The following LDLRAD3 variants were observed in gnomAD, a reference collection of about 807,000 sequenced individuals.
LDLRAD3 encodes the protein low-density lipoprotein receptor class A domain-containing protein 3.
A neutral mutation model predicts 29.4 loss-of-function variants in LDLRAD3; 20 were observed. The ratio of observed to expected loss-of-function variants is 0.68; its 90% CI spans 0.48 to 0.99. LDLRAD3 has a LOEUF of 0.99. Ranked by LOEUF, LDLRAD3 falls within the 50% of genes least tolerant of loss-of-function variation. The probability of loss-of-function intolerance (pLI) is 0.00; values close to 1 mark genes in which losing one functional copy is unlikely to be tolerated. For synonymous variants in LDLRAD3, 157 were observed against 192.7 expected, an observed-to-expected ratio of 0.81 and a Z score of 1.53; for missense variants, 420 against 454.3, an observed-to-expected ratio of 0.92 and a Z score of 0.69.
chr11:36,157,085 AT>A (rs1854364219), intron 4 of LDLRAD3, among the ~76,000 whole-genome samples: 1 of 152,168 alleles, frequency 6.6e-6, no homozygotes, highest in Non-Finnish European at 1.5e-5. Flanking sequence ...ATTTTAGGCA[AT>A]TTAAACAATT....
chr11:36,184,518 T>A (rs1319482492), intron 4 of LDLRAD3, among the ~76,000 whole-genome samples: 1 of 152,166 alleles, frequency 6.6e-6, no homozygotes, highest in African/African-American at 2.4e-5. Flanking sequence ...CTTTGAAAAA[T>A]TATTTTTGGA....
intron 4 of LDLRAD3, among the ~76,000 whole-genome samples, chr11:36,161,259 A>T (rs1854435131): frequency 6.6e-6 from 1 of 152,138 alleles, no homozygotes; most frequent in Admixed American, 6.5e-5. Flanking sequence ...TACATTTCTT[A>T]TATTACCCCT....
chr11:36,078,373 A>T (rs1178743911), intron 2 of LDLRAD3, among the ~76,000 whole-genome samples: 3 of 152,180 alleles, frequency 2.0e-5, no homozygotes, highest in African/African-American at 7.2e-5. Context: ...AGCTGTCTTC[A>T]GCACCCCCTT....
chr11:35,987,228 A>G (rs1435968246), intron 1 of LDLRAD3, among the ~76,000 whole-genome samples: 2 of 152,160 alleles, frequency 1.3e-5, no homozygotes, highest in Non-Finnish European at 1.5e-5. Context: ...AAGTCTGCAT[A>G]TTTTTAGGGA....
chr11:36,171,878 T>C (rs965242362), intron 4 of LDLRAD3, among the ~76,000 whole-genome samples: 16 of 152,198 alleles, frequency 1.1e-4, no homozygotes, highest in Non-Finnish European at 1.8e-4. Flanking sequence ...AATATATTGA[T>C]GGGAATTAGA....
chr11:36,018,470 C>A (rs922337604), intron 1 of LDLRAD3, among the ~76,000 whole-genome samples: 1 of 152,004 alleles, frequency 6.6e-6, no homozygotes, highest in Non-Finnish European at 1.5e-5. Context: ...TTTGAAGATC[C>A]CTTTCATTTA....
intron 4 of LDLRAD3, among the ~76,000 whole-genome samples, chr11:36,172,983 A>T (rs556815308): frequency 3.3e-5 from 5 of 152,156 alleles, no homozygotes; most frequent in African/African-American, 1.2e-4. Context: ...GCAATTTTTT[A>T]ATTATCATTT....
intron 1 of LDLRAD3, among the ~76,000 whole-genome samples, chr11:35,954,979 G>A (rs113551768): frequency 5.3e-5 from 8 of 152,290 alleles, no homozygotes; most frequent in East Asian, 1.9e-4. Context: ...ACAGTATTAG[G>A]CCGGGTGCAC....
chr11:36,166,608 C>T (rs1854519565), intron 4 of LDLRAD3, among the ~76,000 whole-genome samples: 1 of 152,122 alleles, frequency 6.6e-6, no homozygotes, highest in African/African-American at 2.4e-5. Flanking sequence ...CCTGTTATTT[C>T]TACTTTGTTT....
intron 2 of LDLRAD3, among the ~76,000 whole-genome samples, chr11:36,059,404 C>T (rs953918971): frequency 6.6e-6 from 1 of 151,642 alleles, no homozygotes; most frequent in Non-Finnish European, 1.5e-5. Flanking sequence ...AATGACTTCT[C>T]ATCACAGCTA....
At chr11:36,164,894 A>G (rs897796325) in intron 4 of LDLRAD3, among the ~76,000 whole-genome samples, 2 of 152,206 alleles carry the variant, frequency 1.3e-5, no homozygotes, top group African/African-American at 2.4e-5. Context: ...GTTGAAAGAG[A>G]TATCTTTTAG....
intron 4 of LDLRAD3, among the ~76,000 whole-genome samples, chr11:36,211,738 A>G (rs761920500): frequency 1.3e-5 from 2 of 152,132 alleles, no homozygotes; most frequent in Non-Finnish European, 2.9e-5. Flanking sequence ...GTGAGGTTTT[A>G]TTTGCAACAA....
intron 4 of LDLRAD3, among the ~76,000 whole-genome samples, chr11:36,139,508 G>A (rs986994095): frequency 1.3e-5 from 2 of 152,204 alleles, no homozygotes; most frequent in Non-Finnish European, 2.9e-5. Context: ...CTTGCTGTTG[G>A]TTGCCATGAA....
chr11:36,013,883 A>G (rs567135226), intron 1 of LDLRAD3, among the ~76,000 whole-genome samples: 2 of 152,202 alleles, frequency 1.3e-5, no homozygotes, highest in South Asian at 2.1e-4. Context: ...CTGCTGCCCC[A>G]TAGATAAGTG....
At chr11:35,991,333 G>A (rs1169853850) in intron 1 of LDLRAD3, among the ~76,000 whole-genome samples, 1 of 152,042 alleles carries the variant, frequency 6.6e-6, no homozygotes, top group Non-Finnish European at 1.5e-5. Flanking sequence ...TGTTATTATT[G>A]CTTCTTTTAC....
At position 36,041,534 on chromosome 11, in the gene LDLRAD3, A is replaced by G. The variant is rs116073689; in HGVS notation, c.193+5285A>G. On this transcript the variant is annotated intron_variant, in intron 2 of 5. Transcript: ENST00000315571. ...CTAAAAACGTCAATAATGGTTTCTT[A>G]TAGAAATGAATATTTACATGGCCGT... 6.8e-3 allele frequency among the ~76,000 whole-genome samples: 1,040 copies of G among 152,332 alleles called. 7 individuals carry two copies. The highest frequency in any genetic ancestry group is 0.023 in the African/African-American group (971 of 41,576).
rs12287863 is a variant in LDLRAD3 at position 36,228,028 on chromosome 11, A to G, written c.800+598A>G. ...TTTTTTAAGCAGTACCACATTGCAA[A>G]TGGAATTGTACAAGAACTCCCAGTA... On this transcript the variant is annotated intron_variant, in intron 5 of 5. Transcript: ENST00000315571. Among the ~76,000 whole-genome samples the G allele has an allele frequency of 4.4e-3, 671 of 152,342 alleles. 5 individuals carry two copies. The highest frequency in any genetic ancestry group is 0.016 in the African/African-American group (648 of 41,572).
chr11:36,171,297 T>C (rs183128302), intron 4 of LDLRAD3, among the ~76,000 whole-genome samples: 2 of 152,326 alleles, frequency 1.3e-5, no homozygotes, highest in East Asian at 3.9e-4. Flanking sequence ...AGCTTTTTCA[T>C]TTAATTAAGT....
At chr11:35,991,757 G>C (rs980488142) in intron 1 of LDLRAD3, among the ~76,000 whole-genome samples, 3 of 152,104 alleles carry the variant, frequency 2.0e-5, no homozygotes, top group Non-Finnish European at 2.9e-5. Flanking sequence ...AGGTTTGCTG[G>C]TGGAGGGAGC....
Sources: allele counts gnomAD v4.1 joint callset (sites outside exome capture counted in the v4.1 genomes callset), GRCh38; gene constraint gnomAD v4.1.1; transcripts MANE v1.5; gene names NCBI Gene and HGNC (gene_info 2026-07-23, HGNC 2026-07-21).